Variants in KHDRBS2 observed in about 807,000 individuals in gnomAD.
KHDRBS2 encodes KH RNA binding domain containing, signal transduction associated 2.
KHDRBS2 carries 26 observed loss-of-function variants against 44.3 expected under a neutral mutation model. The ratio of observed to expected loss-of-function variants is 0.59; its 90% CI spans 0.43 to 0.81. The LOEUF (loss-of-function observed/expected upper bound fraction) is 0.81, where lower values mean the gene tolerates loss of function less well. Ranked by LOEUF, KHDRBS2 falls within the 40% of genes least tolerant of loss-of-function variation. The pLI, the probability that KHDRBS2 is intolerant of heterozygous loss-of-function variation, is 0.00. For synonymous variants in KHDRBS2, 194 were observed against 151.1 expected, an observed-to-expected ratio of 1.28 and a Z score of -2.08; for missense variants, 476 against 433.1, an observed-to-expected ratio of 1.10 and a Z score of -0.88.
chr6:61,836,487 T>C (rs1033186810), intron 6 of KHDRBS2, among the ~76,000 whole-genome samples: 2 of 152,046 alleles, frequency 1.3e-5, no homozygotes, highest in African/African-American at 4.8e-5. Context: ...TTATTATCTA[T>C]CTACTCAGAT....
chr6:61,964,913 C>T (rs1349050483), intron 4 of KHDRBS2, among the ~76,000 whole-genome samples: 3 of 152,068 alleles, frequency 2.0e-5, no homozygotes, highest in Non-Finnish European at 4.4e-5. Context: ...TTGTTCTACA[C>T]ATGGGTAAAC....
At chr6:62,254,154 C>T (rs1374847357) in intron 1 of KHDRBS2, among the ~76,000 whole-genome samples, 1 of 151,992 alleles carries the variant, frequency 6.6e-6, no homozygotes, top group Non-Finnish European at 1.5e-5. Flanking sequence ...AGTTTTGTTT[C>T]AGTTGCTGTT....
At chr6:62,149,518 A>G (rs1216549929) in intron 2 of KHDRBS2, among the ~76,000 whole-genome samples, 1 of 152,080 alleles carries the variant, frequency 6.6e-6, no homozygotes, top group African/African-American at 2.4e-5. Flanking sequence ...CCATTCCCCC[A>G]ACTAAAAGGT....
At chr6:62,086,408 G>T (rs1352305789) in intron 2 of KHDRBS2, among the ~76,000 whole-genome samples, 1 of 152,154 alleles carries the variant, frequency 6.6e-6, no homozygotes, top group African/African-American at 2.4e-5. Context: ...AGTGGGAGAT[G>T]CAAAATTATA....
the KHDRBS2 span, among the ~76,000 whole-genome samples, chr6:61,653,808 G>A: frequency 6.6e-6 from 1 of 151,916 alleles, no homozygotes; most frequent in Non-Finnish European, 1.5e-5. Context: ...AGATCATTTG[G>A]GGAAGAAGGA....
At chr6:61,974,216 T>C (rs1350430726) in intron 4 of KHDRBS2, among the ~76,000 whole-genome samples, 1 of 152,132 alleles carries the variant, frequency 6.6e-6, no homozygotes, top group Admixed American at 6.6e-5. Context: ...GGATTAGAAA[T>C]AGGAAAGTTG....
chr6:61,659,386 G>C, the KHDRBS2 span, among the ~76,000 whole-genome samples: 2 of 151,750 alleles, frequency 1.3e-5, no homozygotes, highest in Non-Finnish European at 1.5e-5. Context: ...GCTGAAACGA[G>C]TTAATGCCCC....
intron 2 of KHDRBS2, among the ~76,000 whole-genome samples, chr6:62,126,242 G>A (rs1264920789): frequency 6.6e-6 from 1 of 152,150 alleles, no homozygotes; most frequent in South Asian, 2.1e-4. Context: ...GGTGGCCGTG[G>A]GGAGAGATTC....
the KHDRBS2 span, among the ~76,000 whole-genome samples, chr6:61,651,828 T>C: frequency 6.6e-6 from 1 of 152,072 alleles, no homozygotes; most frequent in Non-Finnish European, 1.5e-5. Context: ...GATATCCAGA[T>C]TGTACTGGTA....
the KHDRBS2 span, chr6:61,574,236 C>T: frequency 1.5e-5 from 13 of 856,314 alleles, no homozygotes; most frequent in South Asian, 2.8e-5. Context: ...TTAGAGGCAC[C>T]GCCTGCCCAG....
At chr6:61,787,464 A>G (rs1231373897) in intron 6 of KHDRBS2, among the ~76,000 whole-genome samples, 4 of 151,792 alleles carry the variant, frequency 2.6e-5, no homozygotes, top group Non-Finnish European at 4.4e-5. Context: ...GCGGTTTTTC[A>G]TCACAAATAA....
At chr6:62,186,538 C>A (rs373318732) in intron 1 of KHDRBS2, among the ~76,000 whole-genome samples, 11 of 152,020 alleles carry the variant, frequency 7.2e-5, no homozygotes, top group African/African-American at 2.4e-4. Context: ...TGTCCTTTAT[C>A]AGACTAATAT....
At chr6:61,584,463 C>T in the KHDRBS2 span, among the ~76,000 whole-genome samples, 1 of 151,692 alleles carries the variant, frequency 6.6e-6, no homozygotes, top group Non-Finnish European at 1.5e-5. Flanking sequence ...ACCTTTCTTC[C>T]TCAATCTGCT....
At chr6:61,583,567 A>G in the KHDRBS2 span, among the ~76,000 whole-genome samples, 2 of 151,838 alleles carry the variant, frequency 1.3e-5, no homozygotes, top group South Asian at 2.1e-4. Flanking sequence ...ATTTTGTTCC[A>G]TTGGCCTATT....
chr6:61,950,622 T>A (rs928565850), intron 4 of KHDRBS2, among the ~76,000 whole-genome samples: 1 of 152,060 alleles, frequency 6.6e-6, no homozygotes, highest in Non-Finnish European at 1.5e-5. Flanking sequence ...TTTGAAGTTA[T>A]TGTCTTCCCT....
chr6:62,138,790 A>T (rs1812122184), intron 2 of KHDRBS2, among the ~76,000 whole-genome samples: 1 of 152,200 alleles, frequency 6.6e-6, no homozygotes, highest in Non-Finnish European at 1.5e-5. Flanking sequence ...AAGATATGTT[A>T]CCAAAAACTA....
At chr6:62,198,334 G>A (rs560993201) in intron 1 of KHDRBS2, among the ~76,000 whole-genome samples, 117 of 152,064 alleles carry the variant, frequency 7.7e-4, no homozygotes, top group Non-Finnish European at 1.4e-3. Flanking sequence ...TTGATAGACC[G>A]CTAGCAAGAC....
chr6:61,849,823 G>A (rs6925549), intron 6 of KHDRBS2, among the ~76,000 whole-genome samples: 1 of 151,842 alleles, frequency 6.6e-6, no homozygotes, highest in African/African-American at 2.4e-5. Context: ...CCTTGTGGTA[G>A]AAACAGAAAA....
chr6:61,936,540 G>A (rs1043268221), intron 4 of KHDRBS2, among the ~76,000 whole-genome samples: 3 of 151,206 alleles, frequency 2.0e-5, no homozygotes, highest in African/African-American at 7.3e-5. Context: ...TTTGAATATT[G>A]TGTTTTCTCA....
Sources: gnomAD v4.1 joint callset for allele counts (sites outside exome capture counted in the v4.1 genomes callset) on GRCh38, gnomAD v4.1.1 for gene constraint, MANE v1.5 for transcripts, NCBI Gene and HGNC (gene_info 2026-07-23, HGNC 2026-07-21) for gene names.